The following STARD10 variants were observed in gnomAD, a reference collection of about 807,000 sequenced individuals.
The protein encoded by STARD10 is StAR related lipid transfer domain containing 10.
In STARD10, 24 loss-of-function variants were observed where a neutral mutation model predicts 36.0. The observed-to-expected ratio is 0.67, with a 90% CI of 0.48 to 0.94. The LOEUF is 0.94. Among genes scored for constraint, STARD10 ranks in the 40% least tolerant of loss-of-function variants. STARD10 has a pLI of 0.00. For missense variants in STARD10, 335 were observed against 396.6 expected (o/e 0.84, Z 1.32); for synonymous variants, 156 against 161.9 (o/e 0.96, Z 0.28).
chr11:72,768,801 T>A (rs992588008), intron 2 of STARD10, among the ~76,000 whole-genome samples: 2 of 152,218 alleles, frequency 1.3e-5, no homozygotes, highest in African/African-American at 4.8e-5. Flanking sequence ...CTGTGGCCCC[T>A]TGCTCATCTT....
intron 3 of STARD10, 43 bp from the exon 4 acceptor site, chr11:72,758,676 C>T: frequency 6.8e-7 from 1 of 1,468,198 alleles, no homozygotes; most frequent in Non-Finnish European, 9.5e-7. Context: ...ACTGGTCCAC[C>T]TGCCTACAAG....
At chr11:72,785,141 C>T (rs777049403) in intron 1 of STARD10, among the ~76,000 whole-genome samples, 1 of 152,158 alleles carries the variant, frequency 6.6e-6, no homozygotes, top group Non-Finnish European at 1.5e-5. Flanking sequence ...ACCCCATGAC[C>T]TGGTCCCTAA....
intron 2 of STARD10, among the ~76,000 whole-genome samples, chr11:72,767,908 T>C (rs1286559563): frequency 6.6e-6 from 1 of 152,186 alleles, no homozygotes; most frequent in Non-Finnish European, 1.5e-5. Flanking sequence ...CCTAAAACCC[T>C]TGGCAGTAGC....
chr11:72,757,641 G>T (rs142387955), intron 5 of STARD10, 126 bp downstream of exon 5: 2 of 819,312 alleles, frequency 2.4e-6, no homozygotes, highest in East Asian at 2.7e-5. Flanking sequence ...GAAGGCTTTG[G>T]ATGGAAATGC....
chr11:72,768,773 A>G (rs1265182204), intron 2 of STARD10, among the ~76,000 whole-genome samples: 4 of 152,182 alleles, frequency 2.6e-5, no homozygotes, highest in Admixed American at 1.3e-4. Flanking sequence ...GTTGTCATGC[A>G]TTCATTTGCC....
rs1859003031 is a variant in STARD10 at position 72,781,812 on chromosome 11, G to A, written c.-113-518C>T. ...GCCCCGCCCCGGGCCCCAGCCCCGCGCGCCCCTCCCGGCTAGGCTGGGGGC... is the reference window on the plus strand; with the variant it reads ...GCCCCGCCCCGGGCCCCAGCCCCGCACGCCCCTCCCGGCTAGGCTGGGGGC... On this transcript the variant is annotated intron_variant, in intron 1 of 6. Coordinates refer to ENST00000334805, the MANE Select transcript of STARD10 (RefSeq NM_006645.3). This position sits in a 1 kb window ranked among gnomAD's most constrained non-coding sequence, Gnocchi z 4.7. 7.0e-6 allele frequency: 1 copy of A among 143,202 alleles called. No individual in the cohort carries two copies. The highest frequency in any genetic ancestry group is 1.5e-5 in the Non-Finnish European group (1 of 65,232). The allele number at this position is 143,202 out of a possible 1,614,324, so 8.9% of individuals were successfully genotyped here.
chr11:72,761,033 G>T (rs193201249), intron 2 of STARD10, among the ~76,000 whole-genome samples: 179 of 152,262 alleles, frequency 1.2e-3, no homozygotes, highest in Non-Finnish European at 1.9e-3. Flanking sequence ...CCCAGAATAG[G>T]CCTTGGCCCC....
chr11:72,761,925 T>TTTTTTTTTTTTTTTTTTTTTTTTG, intron 2 of STARD10, among the ~76,000 whole-genome samples: 2 of 132,162 alleles, frequency 1.5e-5, no homozygotes, highest in African/African-American at 2.8e-5. Context: ...TTCTTTTTTT[T>TTTTTTTTTTTTTTTTTTTTTTTTG]TTTTTTTTTT....
chr11:72,757,114 C>T (rs894076695), intron 5 of STARD10, among the ~76,000 whole-genome samples: 1 of 145,958 alleles, frequency 6.9e-6, no homozygotes, highest in Non-Finnish European at 1.5e-5. Context: ...CATTGCACTC[C>T]AGCCTGGGAA....
intron 2 of STARD10, among the ~76,000 whole-genome samples, chr11:72,762,899 G>A (rs763130561): frequency 2.6e-5 from 4 of 152,170 alleles, no homozygotes; most frequent in Non-Finnish European, 5.9e-5. Flanking sequence ...AAGGTCCCTG[G>A]TTCTAGGTCT....
At chr11:72,787,364 A>G (rs1414964830) in intron 1 of STARD10, among the ~76,000 whole-genome samples, 5 of 151,980 alleles carry the variant, frequency 3.3e-5, no homozygotes, top group African/African-American at 1.2e-4. Flanking sequence ...GGGGAGGGAG[A>G]AGTCTAGCTG....
intron 2 of STARD10, among the ~76,000 whole-genome samples, chr11:72,766,612 C>A (rs925976771): frequency 6.6e-6 from 1 of 152,118 alleles, no homozygotes; most frequent in Non-Finnish European, 1.5e-5. Flanking sequence ...CTCTACCCCC[C>A]ACCTCTCTCC....
chr11:72,774,079 T>C (rs572394213), intron 2 of STARD10, among the ~76,000 whole-genome samples: 18 of 151,990 alleles, frequency 1.2e-4, no homozygotes, highest in African/African-American at 4.1e-4. Context: ...TCTGGCAGGG[T>C]CCAAAGACGG....
At chr11:72,760,984 A>C (rs556569663) in intron 2 of STARD10, among the ~76,000 whole-genome samples, 1 of 152,348 alleles carries the variant, frequency 6.6e-6, no homozygotes, top group Admixed American at 6.5e-5. Flanking sequence ...GGAGATAAGC[A>C]ACCATATGAG....
At chr11:72,761,177 GAC>G (rs1858711166) in intron 2 of STARD10, among the ~76,000 whole-genome samples, 1 of 152,190 alleles carries the variant, frequency 6.6e-6, no homozygotes, top group African/African-American at 2.4e-5. Context: ...TGAGCTAAGT[GAC>G]ACCACATGAG....
At chr11:72,768,695 C>T (rs1304032060) in intron 2 of STARD10, among the ~76,000 whole-genome samples, 1 of 152,252 alleles carries the variant, frequency 6.6e-6, no homozygotes, top group East Asian at 1.9e-4. Context: ...TCCCTAAACT[C>T]TCCAGTATGG....
intron 1 of STARD10, among the ~76,000 whole-genome samples, chr11:72,790,889 A>T (rs1859133734): frequency 6.6e-6 from 1 of 152,154 alleles, no homozygotes; most frequent in Admixed American, 6.5e-5. Flanking sequence ...CAGGGTGTGG[A>T]GGTATCTAGA....
chr11:72,761,194 C>T (rs1347364955), intron 2 of STARD10, among the ~76,000 whole-genome samples: 1 of 152,246 alleles, frequency 6.6e-6, no homozygotes, highest in Non-Finnish European at 1.5e-5. Context: ...CATGAGAATG[C>T]AACCAGACAG....
intron 2 of STARD10, among the ~76,000 whole-genome samples, chr11:72,760,823 T>G (rs913011007): frequency 2.0e-4 from 31 of 151,966 alleles, no homozygotes; most frequent in African/African-American, 6.8e-4. Flanking sequence ...TCTGTGATTT[T>G]TTTTTTTTTT....
Sources: allele counts gnomAD v4.1 joint callset (sites outside exome capture counted in the v4.1 genomes callset), GRCh38; gene constraint gnomAD v4.1.1; non-coding constraint Gnocchi (gnomAD v3.1); transcripts MANE v1.5; gene names NCBI Gene and HGNC (gene_info 2026-07-23, HGNC 2026-07-21).